The following CYSLTR1 variants were observed in gnomAD, a reference collection of about 807,000 sequenced individuals.
CYSLTR1 encodes G-protein coupled receptor HG55.
A neutral mutation model predicts 2.1 loss-of-function variants in CYSLTR1; 1 was observed. That is an observed-to-expected ratio of 0.48 (90% CI 0.17 to 2.28). The LOEUF (loss-of-function observed/expected upper bound fraction) is 2.28, where lower values mean the gene tolerates loss of function less well. Ranked by LOEUF, CYSLTR1 falls within the 30% of genes most tolerant of loss-of-function variation. The pLI is 0.26. For missense variants in CYSLTR1, 299 were observed against 250.1 expected (o/e 1.20, Z -1.32); for synonymous variants, 110 against 89.6 (o/e 1.23, Z -1.28).
chrX:78,315,808 G>T (rs1172186381), intron 1 of CYSLTR1, among the ~76,000 whole-genome samples: 2 of 112,207 alleles, frequency 1.8e-5, no homozygotes, highest in Non-Finnish European at 3.8e-5. Context: ...GGCACCACAG[G>T]ACCCACCCAA....
intron 1 of CYSLTR1, among the ~76,000 whole-genome samples, chrX:78,315,224 A>G (rs1463944995): frequency 9.2e-6 from 1 of 108,700 alleles, no homozygotes; most frequent in African/African-American, 3.4e-5. Flanking sequence ...TCACCGGCCA[A>G]CTGAAGAGCC....
In CYSLTR1 at chrX:78,273,420, A is replaced by G; in HGVS notation, c.327T>C (p.Cys109=). ...TCATGGCTGTCATAAAGAAGATGCT[A>G]CAATAGAGGTTGACATACAAAGCAT... The part of the protein sequence containing the change: ...STYALYVNLY[C]SIFFMTAMSF... Residue 109 remains cysteine, a synonymous_variant, in exon 3 of 3, where the codon TGT becomes TGC. Coordinates refer to ENST00000373304, the MANE Select transcript of CYSLTR1 (RefSeq NM_006639.4). 8.3e-7 allele frequency: 1 copy of G among 1,211,547 alleles called. No homozygotes were observed. Among genetic ancestry groups the G allele is most frequent in the Non-Finnish European group, 1.1e-6 (1 of 895,327 alleles).
chrX:78,309,670 A>C (rs1923150326), intron 1 of CYSLTR1, among the ~76,000 whole-genome samples: 1 of 111,933 alleles, frequency 8.9e-6, no homozygotes. Flanking sequence ...AGAGTTACTC[A>C]GTGAAAGGAA....
At chrX:78,313,890 G>A (rs1483219102) in intron 1 of CYSLTR1, among the ~76,000 whole-genome samples, 2 of 111,875 alleles carry the variant, frequency 1.8e-5, no homozygotes, top group Non-Finnish European at 3.8e-5. Context: ...GTTGACAGAC[G>A]ATGTGAATAA....
At chrX:78,307,118 A>G (rs1258385249) in intron 1 of CYSLTR1, among the ~76,000 whole-genome samples, 1 of 112,269 alleles carries the variant, frequency 8.9e-6, no homozygotes, top group Non-Finnish European at 1.9e-5. Context: ...ATTACCACCA[A>G]CTAAAAACAA....
chrX:78,304,165 T>G (rs904260297), intron 1 of CYSLTR1, among the ~76,000 whole-genome samples: 1 of 112,005 alleles, frequency 8.9e-6, no homozygotes, highest in Non-Finnish European at 1.9e-5. Context: ...GAAAGTGATT[T>G]CTAAACAAAG....
In CYSLTR1 at chrX:78,273,161, C is replaced by G; in HGVS notation, c.586G>C (p.Val196Leu). The G allele has an allele frequency of 8.3e-7, 1 of 1,209,385 alleles. No individual in the cohort carries two copies. The highest frequency in any genetic ancestry group is 1.8e-5 in the South Asian group (1 of 56,760). ...ATAACAAAAGGGATGATAAAGCCAA[C>G]AAACAATGACACATAATGCAAGACC... The part of the protein sequence containing the change: ...VLVLHYVSLF[V>L]GFIIPFVIII... The change falls in exon 3 of 3, where the codon GTT becomes CTT. Residue 196 changes from valine to leucine, a missense_variant. By Grantham distance (32) the Val-to-Leu change is conservative. Transcript: ENST00000373304.
intron 1 of CYSLTR1, among the ~76,000 whole-genome samples, chrX:78,299,688 TA>T (rs998271709): frequency 1.7e-4 from 19 of 111,591 alleles, no homozygotes; most frequent in Non-Finnish European, 2.5e-4. Context: ...TGTTATTTGT[TA>T]CTTTTCTCAT....
intron 1 of CYSLTR1, among the ~76,000 whole-genome samples, chrX:78,322,145 T>G (rs1923691017): frequency 9.0e-6 from 1 of 111,337 alleles, no homozygotes; most frequent in African/African-American, 3.3e-5. Flanking sequence ...CTGTTTTTAT[T>G]TGACCAACTC....
chrX:78,317,338 G>A (rs1198565412), intron 1 of CYSLTR1, among the ~76,000 whole-genome samples: 1 of 112,327 alleles, frequency 8.9e-6, no homozygotes, highest in Non-Finnish European at 1.9e-5. Context: ...AATAGATGTT[G>A]GCATGGGTGT....
At chrX:78,289,707 T>C (rs918528977) in intron 1 of CYSLTR1, among the ~76,000 whole-genome samples, 3 of 112,655 alleles carry the variant, frequency 2.7e-5, no homozygotes, top group African/African-American at 9.7e-5. Context: ...ATTTCTCTGA[T>C]GGCCAGTGAT....
rs185500572 is a variant in CYSLTR1 at position 78,296,049 on chromosome X, T to C, written c.-114-12509A>G. ...GCTTGAGGCCTTAGATTTAAGTCTT[T>C]AATCCATTTTGATTTGATTTTTGTA... On this transcript the variant is annotated intron_variant, in intron 1 of 2. Coordinates refer to ENST00000373304, the MANE Select transcript of CYSLTR1 (RefSeq NM_006639.4). Among the ~76,000 whole-genome samples, 19 of 111,869 alleles carry C rather than the reference T, an allele frequency of 1.7e-4. No individual in the cohort carries two copies. In the East Asian group the frequency reaches 5.3e-3, roughly 31 times the overall value.
intron 1 of CYSLTR1, among the ~76,000 whole-genome samples, chrX:78,302,762 C>T (rs1922872000): frequency 9.0e-6 from 1 of 110,771 alleles, no homozygotes; most frequent in Non-Finnish European, 1.9e-5. Flanking sequence ...GGTGCCCTAT[C>T]CTCTGTGGCT....
intron 1 of CYSLTR1, among the ~76,000 whole-genome samples, chrX:78,314,085 G>A (rs550794199): frequency 9.0e-6 from 1 of 111,544 alleles, no homozygotes; most frequent in South Asian, 3.8e-4. Context: ...CAAGGACACG[G>A]TGAGAGAATT....
chrX:78,299,970 T>C (rs1255473904), intron 1 of CYSLTR1, among the ~76,000 whole-genome samples: 3 of 108,954 alleles, frequency 2.8e-5, no homozygotes, highest in African/African-American at 6.8e-5. Context: ...GTAGGAATGC[T>C]TCATTGTTTT....
chrX:78,295,346 A>C (rs1056995456), intron 1 of CYSLTR1, among the ~76,000 whole-genome samples: 5 of 100,698 alleles, frequency 5.0e-5, no homozygotes, highest in African/African-American at 1.1e-4. Context: ...AGAAGTGCGG[A>C]TATCTCTTTG....
intron 2 of CYSLTR1, among the ~76,000 whole-genome samples, chrX:78,282,438 T>A: frequency 8.9e-6 from 1 of 112,604 alleles, no homozygotes. Context: ...AGGACAAGTT[T>A]AACATTTGAA....
At chrX:78,310,899 C>CGTGT (rs745711576) in intron 1 of CYSLTR1, among the ~76,000 whole-genome samples, 1 of 106,609 alleles carries the variant, frequency 9.4e-6, no homozygotes, top group African/African-American at 3.4e-5. Flanking sequence ...GGTGTGTGGG[C>CGTGT]GTGTGTGTGT....
chrX:78,296,489 G>A (rs1238955138), intron 1 of CYSLTR1, among the ~76,000 whole-genome samples: 1 of 111,441 alleles, frequency 9.0e-6, no homozygotes, highest in Non-Finnish European at 1.9e-5. Context: ...GCTTTGGGTA[G>A]TATGGACATT....
Sources: allele counts gnomAD v4.1 joint callset (sites outside exome capture counted in the v4.1 genomes callset), GRCh38; gene constraint gnomAD v4.1.1; transcripts MANE v1.5; gene names NCBI Gene and HGNC (gene_info 2026-07-23, HGNC 2026-07-21).